XKR6: variants seen among roughly 807,000 people sequenced by gnomAD.
XKR6 encodes XK related 6.
Under a neutral mutation model 56.7 loss-of-function variants are expected in XKR6, and 22 were observed. The ratio of observed to expected loss-of-function variants is 0.39; its 90% CI spans 0.28 to 0.55. The LOEUF (loss-of-function observed/expected upper bound fraction) is 0.55, where lower values mean the gene tolerates loss of function less well. XKR6 is among the 20% of genes least tolerant of loss of function. The probability of loss-of-function intolerance (pLI) is 0.66; values close to 1 mark genes in which losing one functional copy is unlikely to be tolerated. For synonymous variants in XKR6, 524 were observed against 387.8 expected (o/e 1.35, Z -4.13); for missense variants, 852 against 889.0 (o/e 0.96, Z 0.53).
At chr8:11,057,016 G>A (rs1586486536) in intron 1 of XKR6, among the ~76,000 whole-genome samples, 2 of 152,182 alleles carry the variant, frequency 1.3e-5, no homozygotes, top group South Asian at 4.1e-4. Flanking sequence ...TTGGCTGCCT[G>A]TCCAATCTGC....
chr8:11,046,906 A>C (rs1799424086), intron 1 of XKR6, among the ~76,000 whole-genome samples: 1 of 152,204 alleles, frequency 6.6e-6, no homozygotes. Flanking sequence ...AGAAAGACAA[A>C]TACTACATGA....
intron 1 of XKR6, among the ~76,000 whole-genome samples, chr8:11,016,021 G>A (rs1798611551): frequency 1.3e-5 from 2 of 152,122 alleles, no homozygotes; most frequent in Admixed American, 1.3e-4. Flanking sequence ...GCAGACCCCC[G>A]GTAACGCCCC....
At chr8:11,005,783 C>A (rs1484495887) in intron 1 of XKR6, among the ~76,000 whole-genome samples, 4 of 150,014 alleles carry the variant, frequency 2.7e-5, no homozygotes, top group Admixed American at 1.3e-4. Flanking sequence ...TTTTTCATAT[C>A]TACAGTTTTC....
At chr8:11,029,476 T>C (rs1350423571) in intron 1 of XKR6, among the ~76,000 whole-genome samples, 4 of 152,130 alleles carry the variant, frequency 2.6e-5, no homozygotes, top group Non-Finnish European at 5.9e-5. Context: ...TTTCTGTCCT[T>C]ATAAACAGAA....
chr8:11,201,185 C>T lies in XKR6; in HGVS notation c.155G>A (p.Ser52Asn), dbSNP rs1424459528. 1 of 1,528,196 alleles carries T rather than the reference C, an allele frequency of 6.5e-7. No homozygotes were observed. Among genetic ancestry groups the T allele is most frequent in the Admixed American group, 2.0e-5 (1 of 50,492 alleles). 94.7% of individuals were successfully genotyped at this position (1,528,196 alleles called of 1,614,324 possible). Residue 52 changes from serine to asparagine, a missense_variant, in exon 1 of 3, where the codon AGC becomes AAC. By Grantham distance (46) the Ser-to-Asn change is conservative. Coordinates refer to ENST00000416569, the MANE Select transcript of XKR6 (RefSeq NM_173683.4). ...GCAGCAGTGGCAGATGTGCATCGAG[C>T]TGCTCTCGCCGGGCTCGCTGCCGTC... The part of the protein sequence containing the change: ...GGDGSEPGES[S>N]SMHICHCCNT...
At chr8:10,925,971 G>A (rs570092207) in intron 1 of XKR6, among the ~76,000 whole-genome samples, 2 of 152,284 alleles carry the variant, frequency 1.3e-5, no homozygotes, top group African/African-American at 4.8e-5. Context: ...TGTGGGCCCA[G>A]TCAGGATCAA....
chr8:11,034,099 C>T (rs1392900096), intron 1 of XKR6, among the ~76,000 whole-genome samples: 1 of 152,122 alleles, frequency 6.6e-6, no homozygotes, highest in African/African-American at 2.4e-5. Context: ...GAGAAAAAAA[C>T]AAATCACATA....
chr8:11,008,968 G>T (rs966838387), intron 1 of XKR6, among the ~76,000 whole-genome samples: 5 of 152,112 alleles, frequency 3.3e-5, no homozygotes, highest in Non-Finnish European at 7.4e-5. Flanking sequence ...GAAAGAGCAA[G>T]GACCTGAAGG....
chr8:11,141,683 G>A (rs960287664), intron 1 of XKR6, among the ~76,000 whole-genome samples: 2 of 152,248 alleles, frequency 1.3e-5, no homozygotes, highest in South Asian at 2.1e-4. Flanking sequence ...ATGAGTGATC[G>A]TGTGCCCAGT....
At chr8:11,128,326 C>T (rs930658271) in intron 1 of XKR6, among the ~76,000 whole-genome samples, 1 of 152,202 alleles carries the variant, frequency 6.6e-6, no homozygotes, top group Non-Finnish European at 1.5e-5. Flanking sequence ...TACACTCACT[C>T]CTGTGGGAAA....
intron 1 of XKR6, among the ~76,000 whole-genome samples, chr8:11,162,465 AC>A (rs1214670973): frequency 6.6e-6 from 1 of 152,204 alleles, no homozygotes; most frequent in East Asian, 1.9e-4. Flanking sequence ...ACAAAACAAA[AC>A]AAAAAAACAA....
intron 1 of XKR6, among the ~76,000 whole-genome samples, chr8:11,170,429 G>T (rs7818911): frequency 1.3e-5 from 2 of 152,158 alleles, no homozygotes; most frequent in African/African-American, 2.4e-5. Flanking sequence ...AACATTATGT[G>T]AAAGTAAAAG....
At chr8:11,192,578 G>C (rs1203793888) in intron 1 of XKR6, among the ~76,000 whole-genome samples, 4 of 152,012 alleles carry the variant, frequency 2.6e-5, no homozygotes, top group Non-Finnish European at 4.4e-5. Context: ...TCACGCCACT[G>C]CACTCCAGCC....
At chr8:11,099,999 G>A (rs377541288) in intron 1 of XKR6, among the ~76,000 whole-genome samples, 2 of 152,202 alleles carry the variant, frequency 1.3e-5, no homozygotes, top group South Asian at 2.1e-4. Flanking sequence ...CGGGTTGGGC[G>A]CTGGGAGGGA....
chr8:10,952,801 G>A (rs538872180), intron 1 of XKR6, among the ~76,000 whole-genome samples: 6 of 152,128 alleles, frequency 3.9e-5, no homozygotes, highest in East Asian at 1.9e-4. Flanking sequence ...CCCAACCCCC[G>A]GGCCATGGAC....
intron 1 of XKR6, chr8:11,035,384 A>C (rs894058327): frequency 1.1e-5 from 6 of 527,336 alleles, no homozygotes; most frequent in Non-Finnish European, 2.3e-5. Context: ...GGCTCTTTGC[A>C]CTTCAGGCAA....
intron 1 of XKR6, among the ~76,000 whole-genome samples, chr8:11,088,240 T>A (rs183204003): frequency 7.3e-5 from 10 of 136,304 alleles, no homozygotes; most frequent in Admixed American, 7.0e-4. Context: ...TTGTTAAATA[T>A]CTACTTGAGC....
chr8:11,151,658 A>G (rs1005363176), intron 1 of XKR6, among the ~76,000 whole-genome samples: 9 of 151,976 alleles, frequency 5.9e-5, no homozygotes, highest in African/African-American at 2.2e-4. Flanking sequence ...AGTTCAGAAA[A>G]TCCAGACCCA....
At chr8:10,913,860 G>T (rs762956183) in intron 2 of XKR6, among the ~76,000 whole-genome samples, 3 of 152,196 alleles carry the variant, frequency 2.0e-5, no homozygotes, top group Non-Finnish European at 2.9e-5. Flanking sequence ...AAAAGGATGG[G>T]GTCCCAGCAG....
Sources: allele counts gnomAD v4.1 joint callset (sites outside exome capture counted in the v4.1 genomes callset), GRCh38; gene constraint gnomAD v4.1.1; transcripts MANE v1.5; gene names NCBI Gene and HGNC (gene_info 2026-07-23, HGNC 2026-07-21).